CYBRD1: variants seen among roughly 807,000 people sequenced by gnomAD.
CYBRD1 encodes the protein cytochrome b reductase 1.
A neutral mutation model predicts 21.9 loss-of-function variants in CYBRD1; 14 were observed. That is an observed-to-expected ratio of 0.64 (90% CI 0.42 to 1.00). CYBRD1 has a LOEUF of 1.00. Ranked by LOEUF, CYBRD1 falls within the 50% of genes least tolerant of loss-of-function variation. The pLI is 0.00. For missense variants in CYBRD1, 328 were observed against 352.5 expected, an observed-to-expected ratio of 0.93 and a Z score of 0.56; for synonymous variants, 146 against 136.5, an observed-to-expected ratio of 1.07 and a Z score of -0.48.
chr2:171,553,597 TAG>T, intron 3 of CYBRD1, 97 bp downstream of exon 3: 1 of 1,106,172 alleles, frequency 9.0e-7, no homozygotes, highest in Non-Finnish European at 1.2e-6. Context: ...CAAAATTTTT[TAG>T]ATATTAAAAT....
Position 171,541,513 on chromosome 2 carries a change from G to A in CYBRD1, c.194-72G>A, listed in dbSNP as rs1697630492. The A allele has an allele frequency of 1.3e-5, 19 of 1,468,158 alleles. 1 individual carries two copies. The South Asian group carries it at 1.9e-4, about 15-fold the overall frequency. The allele number at this position is 1,468,158 out of a possible 1,614,324, so 90.9% of individuals were successfully genotyped here. A position where few individuals can be genotyped will look rare whatever the true frequency, so the allele number is the denominator to read the frequency against. Reference sequence around the variant, plus strand: ...GTTTCAAAAAGGGAGTGTCCAGTGTGTCAAACTGTTCATTTTGTGTTGTTT... The same window carrying A: ...GTTTCAAAAAGGGAGTGTCCAGTGTATCAAACTGTTCATTTTGTGTTGTTT... On this transcript the variant is annotated intron_variant, in intron 1 of 3. Transcript: ENST00000321348.
intron 3 of CYBRD1, 114 bp downstream of exon 3, chr2:171,553,614 A>C: frequency 1.1e-6 from 1 of 949,282 alleles, no homozygotes; most frequent in Non-Finnish European, 1.4e-6. Flanking sequence ...TAAAATTAAA[A>C]AATATTTTAA....
At position 171,553,421 on chromosome 2, in the gene CYBRD1, G is replaced by T. The variant is rs781047968; in HGVS notation, c.478G>T (p.Val160Phe). Residue 160 changes from valine to phenylalanine, a missense_variant, in exon 3 of 4, where the codon GTT becomes TTT. Val to Phe is a conservative substitution (Grantham distance 50). Transcript: ENST00000321348. ...SLRAFLMPIHVYSGIVIFGTV... is the reference protein window; with the variant it reads ...SLRAFLMPIHFYSGIVIFGTV... The stretch of plus-strand genomic sequence containing the variant: ...CCGAGCATTTCTCATGCCCATACAT[G>T]TTTATTCTGGAATTGTCATCTTTGG... The T allele has an allele frequency of 6.2e-7, 1 of 1,613,638 alleles. No homozygotes were observed. The highest frequency in any genetic ancestry group is 8.5e-7 in the Non-Finnish European group (1 of 1,179,762).
At position 171,556,629 on chromosome 2, in the gene CYBRD1, C is replaced by T. The variant is rs1383459918; in HGVS notation, c.*1802C>T. On this transcript the variant is annotated 3_prime_UTR_variant, in exon 4 of 4. Coordinates refer to ENST00000321348, the MANE Select transcript of CYBRD1 (RefSeq NM_024843.4). Reference sequence around the variant, plus strand: ...GCCACACTCCATCATATCCCTTAAACTTCATGAAAAACCATTCAAGATCCC... The same window carrying T: ...GCCACACTCCATCATATCCCTTAAATTTCATGAAAAACCATTCAAGATCCC... 1 of 152,166 alleles carries T rather than the reference C, an allele frequency of 6.6e-6. No homozygotes were observed. The highest frequency in any genetic ancestry group is 6.6e-5 in the Admixed American group (1 of 15,254). 9.4% of individuals were successfully genotyped at this position (152,166 alleles called of 1,614,324 possible). A position where few individuals can be genotyped will look rare whatever the true frequency, so the allele number is the denominator to read the frequency against.
intron 2 of CYBRD1, among the ~76,000 whole-genome samples, chr2:171,547,747 T>TC (rs1574442946): frequency 6.6e-6 from 1 of 152,116 alleles, no homozygotes; most frequent in Non-Finnish European, 1.5e-5. Flanking sequence ...AGTAAAATCA[T>TC]CCCCCAAGAG....
chr2:171,548,097 T>C (rs1054817560), intron 2 of CYBRD1, among the ~76,000 whole-genome samples: 3 of 146,950 alleles, frequency 2.0e-5, no homozygotes, highest in African/African-American at 7.8e-5. Flanking sequence ...TTGTAGTTGG[T>C]GCTGGTTAGA....
intron 2 of CYBRD1, among the ~76,000 whole-genome samples, chr2:171,542,500 AGAGAGAGAGATC>A (rs1697649738): frequency 6.6e-6 from 1 of 152,060 alleles, no homozygotes; most frequent in Non-Finnish European, 1.5e-5. Flanking sequence ...AAGGAAAGAC[AGAGAGAGAGATC>A]GAGAGAGAGA....
chr2:171,541,861 CT>C (rs57998592), intron 2 of CYBRD1, 68 bp downstream of exon 2: 176,723 of 722,582 alleles, frequency 0.24, 1,106 homozygotes, highest in East Asian at 0.34. Context: ...GTTTTCTTTT[CT>C]TTTTTTTTTT....
At chr2:171,541,445 G>C (rs1037543537) in intron 1 of CYBRD1, 140 bp from the exon 2 acceptor site, 2 of 773,634 alleles carry the variant, frequency 2.6e-6, no homozygotes, top group Non-Finnish European at 2.2e-6. Flanking sequence ...AGAGGCAGGG[G>C]TAACATGGGG....
intron 1 of CYBRD1, among the ~76,000 whole-genome samples, chr2:171,536,232 G>A (rs759813836): frequency 2.7e-5 from 4 of 147,938 alleles, no homozygotes; most frequent in African/African-American, 5.0e-5. Context: ...TCTGCCTCTC[G>A]GGTTCAAGCG....
chr2:171,551,862 T>C (rs542865560), intron 2 of CYBRD1, among the ~76,000 whole-genome samples: 5 of 152,328 alleles, frequency 3.3e-5, no homozygotes, highest in Non-Finnish European at 7.4e-5. Flanking sequence ...GATAAACTTA[T>C]GTTAGTAATT....
Position 171,548,471 on chromosome 2 carries a change from C to T in CYBRD1, c.403-4875C>T, listed in dbSNP as rs186113753. Among the ~76,000 whole-genome samples, 578 of 152,092 alleles carry T rather than the reference C, an allele frequency of 3.8e-3. 6 individuals are homozygous for T. The highest frequency in any genetic ancestry group is 0.013 in the African/African-American group (520 of 41,536). On this transcript the variant is annotated intron_variant, in intron 2 of 3. Transcript: ENST00000321348. ...TCTTTAACATTGGGAGCTTGTCTGT[C>T]TTGTGTAGCATTCCCAACACTCCGA...
chr2:171,532,387 T>G (rs1697480793), intron 1 of CYBRD1, among the ~76,000 whole-genome samples: 1 of 152,252 alleles, frequency 6.6e-6, no homozygotes, highest in African/African-American at 2.4e-5. Flanking sequence ...TTGAATTCAC[T>G]TCAAGTTGTT....
intron 1 of CYBRD1, among the ~76,000 whole-genome samples, chr2:171,526,138 G>A (rs1181033119): frequency 1.3e-5 from 2 of 151,882 alleles, no homozygotes; most frequent in Non-Finnish European, 2.9e-5. Flanking sequence ...GTGGTGGCAG[G>A]CACCTGTAAT....
Position 171,545,222 on chromosome 2 carries a change from T to G in CYBRD1, c.402+3429T>G, listed in dbSNP as rs553466320. ...CAAAGGCTAAAAAAGAATTAATAAATAAAAAGAATGCTTCTAATATTTTAC... is the reference window on the plus strand; with the variant it reads ...CAAAGGCTAAAAAAGAATTAATAAAGAAAAAGAATGCTTCTAATATTTTAC... On this transcript the variant is annotated intron_variant, in intron 2 of 3. Transcript: ENST00000321348. Among the ~76,000 whole-genome samples, 3 of 151,496 alleles carry G rather than the reference T, an allele frequency of 2.0e-5. No homozygotes were observed. In the East Asian group the frequency reaches 5.8e-4, roughly 29 times the overall value.
At chr2:171,532,456 T>C (rs957948539) in intron 1 of CYBRD1, among the ~76,000 whole-genome samples, 1 of 152,262 alleles carries the variant, frequency 6.6e-6, no homozygotes, top group African/African-American at 2.4e-5. Flanking sequence ...TGGTCTTCTA[T>C]TAGCTAATAC....
At position 171,554,924 on chromosome 2, in the gene CYBRD1, A is replaced by G; in HGVS notation, c.*97A>G. 7.9e-7 allele frequency: 1 copy of G among 1,269,558 alleles called. No homozygotes were observed. The highest frequency in any genetic ancestry group is 1.3e-5 in the South Asian group (1 of 78,434). 78.6% of individuals were successfully genotyped at this position (1,269,558 alleles called of 1,614,324 possible). A position where few individuals can be genotyped will look rare whatever the true frequency, so the allele number is the denominator to read the frequency against. On this transcript the variant is annotated 3_prime_UTR_variant, in exon 4 of 4. Transcript: ENST00000321348. ...CCATATGATAATTGGGCTATGTAGTATCAATATTTACTTTAATCACAAAGG... is the reference window on the plus strand; with the variant it reads ...CCATATGATAATTGGGCTATGTAGTGTCAATATTTACTTTAATCACAAAGG...
chr2:171,538,218 G>T (rs1401395111), intron 1 of CYBRD1, among the ~76,000 whole-genome samples: 2 of 152,136 alleles, frequency 1.3e-5, no homozygotes, highest in South Asian at 2.1e-4. Flanking sequence ...AGCTGAGATC[G>T]CACCATTGCA....
intron 1 of CYBRD1, chr2:171,540,842 A>G (rs562738922): frequency 1.5e-5 from 2 of 135,792 alleles, no homozygotes; most frequent in South Asian, 4.5e-4. Context: ...GGCTCACTGC[A>G]ACCTCTGCCT....
Sources: gnomAD v4.1 joint callset for allele counts (sites outside exome capture counted in the v4.1 genomes callset) on GRCh38, gnomAD v4.1.1 for gene constraint, MANE v1.5 for transcripts, NCBI Gene and HGNC (gene_info 2026-07-23, HGNC 2026-07-21) for gene names.